Variants in MFAP3L observed in about 807,000 individuals in gnomAD.
The protein encoded by MFAP3L is microfibrillar-associated protein 3-like.
A neutral mutation model predicts 20.0 loss-of-function variants in MFAP3L; 5 were observed. The observed-to-expected ratio is 0.25, with a 90% CI of 0.13 to 0.53. The LOEUF (loss-of-function observed/expected upper bound fraction) is 0.53, where lower values mean the gene tolerates loss of function less well. MFAP3L is among the 20% of genes least tolerant of loss of function. MFAP3L has a pLI of 0.96. For missense variants in MFAP3L, 409 were observed against 527.5 expected (o/e 0.78, Z 2.20); for synonymous variants, 219 against 213.0 (o/e 1.03, Z -0.25).
intron 1 of MFAP3L, among the ~76,000 whole-genome samples, chr4:170,011,120 T>C (rs1739357599): frequency 6.6e-6 from 1 of 152,200 alleles, no homozygotes; most frequent in South Asian, 2.1e-4. Flanking sequence ...TGCCTTTGCT[T>C]CTCCTTTGCC....
rs779408117 is a variant in MFAP3L at position 169,992,255 on chromosome 4, G to A, written c.353C>T (p.Ser118Leu). The change falls in exon 3 of 3, where the codon TCA (serine) becomes TTA (leucine). Residue 118 changes from serine (S) to leucine (L), a missense_variant. Around this residue, in one of 3 missense-constraint regions of MFAP3L, gnomAD observed 127 missense variants for 218.1 expected, o/e 0.58. Coordinates refer to ENST00000361618, the MANE Select transcript of MFAP3L (RefSeq NM_021647.8). This position sits in a 1 kb window ranked among gnomAD's most constrained non-coding sequence, Gnocchi z 4.3. Reference protein sequence around the residue: ...GLLNITKVSFSDRGKYTCVAS... With the variant: ...GLLNITKVSFLDRGKYTCVAS... ...CACACACGTGTATTTACCTCGGTCT[G>A]AGAAGGATACCTTGGTGATGTTCAG... The A allele has an allele frequency of 1.2e-6, 2 of 1,613,974 alleles. No individual in the cohort carries two copies. The highest frequency in any genetic ancestry group is 1.7e-6 in the Non-Finnish European group (2 of 1,179,942).
intron 1 of MFAP3L, among the ~76,000 whole-genome samples, chr4:170,025,807 C>A (rs1581538516): frequency 6.6e-6 from 1 of 152,288 alleles, no homozygotes; most frequent in African/African-American, 2.4e-5. Context: ...TTCTCCGGAG[C>A]CCTGGCCAGC....
intron 1 of MFAP3L, among the ~76,000 whole-genome samples, chr4:170,013,405 T>C (rs1016433076): frequency 6.6e-6 from 1 of 152,036 alleles, no homozygotes; most frequent in Non-Finnish European, 1.5e-5. Flanking sequence ...ACATTAAAGG[T>C]TGTTCTCTAT....
Position 169,991,319 on chromosome 4 carries a change from C to A in MFAP3L, c.*59G>T. ...GCTTAGCGGCAAGTGCGTACTACATCTGTATTACAAGGAGCAGCCCCTGAT... is the reference window on the plus strand; with the variant it reads ...GCTTAGCGGCAAGTGCGTACTACATATGTATTACAAGGAGCAGCCCCTGAT... On this transcript the variant is annotated 3_prime_UTR_variant, in exon 3 of 3. Transcript: ENST00000361618. This position sits in a 1 kb window ranked among gnomAD's most constrained non-coding sequence, Gnocchi z 4.9. 2 of 1,515,160 alleles carry A rather than the reference C, an allele frequency of 1.3e-6. No homozygotes were observed. Among genetic ancestry groups the A allele is most frequent in the Non-Finnish European group, 1.8e-6 (2 of 1,114,644 alleles). The allele number at this position is 1,515,160 out of a possible 1,614,324, so 93.9% of individuals were successfully genotyped here.
At chr4:170,021,308 G>A (rs946664191) in intron 1 of MFAP3L, among the ~76,000 whole-genome samples, 1 of 152,086 alleles carries the variant, frequency 6.6e-6, no homozygotes. Flanking sequence ...GAGTCCTGGT[G>A]GTTCTCACTC....
At chr4:170,003,878 G>C in intron 2 of MFAP3L, 1 of 983,172 alleles carries the variant, frequency 1.0e-6, no homozygotes, top group Non-Finnish European at 1.2e-6. Flanking sequence ...GGAGGAAGTG[G>C]CTGTAGGAAC....
intron 1 of MFAP3L, among the ~76,000 whole-genome samples, chr4:170,016,297 T>C (rs777661358): frequency 1.3e-5 from 2 of 152,162 alleles, no homozygotes; most frequent in Non-Finnish European, 2.9e-5. Flanking sequence ...AGCCTCCATA[T>C]CCAACCTCAC....
At position 169,991,874 on chromosome 4, in the gene MFAP3L, G is replaced by C. The variant is rs755303677; in HGVS notation, c.734C>G (p.Pro245Arg). Reference sequence around the variant, plus strand: ...GATAGTCCTGCAGTTCATAATGAGAGGCGGCAGAGGCACGCTCCTGGCAAG... The same window carrying C: ...GATAGTCCTGCAGTTCATAATGAGACGCGGCAGAGGCACGCTCCTGGCAAG... ...EELARSVPLP[P>R]LIMNCRTIME... Residue 245 changes from proline (P) to arginine (R), a missense_variant, in exon 3 of 3, where the codon CCT (proline) becomes CGT (arginine). By Grantham distance (103) the Pro-to-Arg change is moderately radical. Around this residue, in one of 3 missense-constraint regions of MFAP3L, gnomAD observed 127 missense variants for 218.1 expected, o/e 0.58. Transcript: ENST00000361618. This position sits in a 1 kb window ranked among gnomAD's most constrained non-coding sequence, Gnocchi z 4.9. 1 of 1,614,132 alleles carries C rather than the reference G, an allele frequency of 6.2e-7. No homozygotes were observed. The highest frequency in any genetic ancestry group is 8.5e-7 in the Non-Finnish European group (1 of 1,180,024).
intron 2 of MFAP3L, among the ~76,000 whole-genome samples, chr4:169,998,988 A>T (rs1738416526): frequency 6.6e-6 from 1 of 152,270 alleles, no homozygotes; most frequent in Admixed American, 6.5e-5. Flanking sequence ...TAAATGTGGC[A>T]CATATTTTGT....
intron 1 of MFAP3L, among the ~76,000 whole-genome samples, chr4:170,012,286 C>G (rs977360871): frequency 5.9e-5 from 9 of 152,202 alleles, no homozygotes; most frequent in African/African-American, 2.2e-4. Context: ...GAATGACTAT[C>G]TGATAGCAGG....
intron 2 of MFAP3L, among the ~76,000 whole-genome samples, chr4:169,996,571 G>A (rs926947393): frequency 6.6e-6 from 1 of 152,096 alleles, no homozygotes; most frequent in African/African-American, 2.4e-5. Context: ...AGATCCGCTG[G>A]CACAGGTAGG....
At chr4:170,003,281 G>A (rs369230897) in intron 2 of MFAP3L, among the ~76,000 whole-genome samples, 13 of 152,310 alleles carry the variant, frequency 8.5e-5, no homozygotes, top group South Asian at 6.2e-4. Context: ...AATTCTGATG[G>A]AGCAGTTCTC....
intron 2 of MFAP3L, among the ~76,000 whole-genome samples, chr4:169,995,806 T>G (rs1272324562): frequency 6.6e-6 from 1 of 152,214 alleles, no homozygotes; most frequent in Non-Finnish European, 1.5e-5. Context: ...TGAATGTTCA[T>G]GAAGCTGCAT....
Position 170,005,944 on chromosome 4 carries a change from C to T in MFAP3L, c.-67G>A, listed in dbSNP as rs1739004858. On this transcript the variant is annotated 5_prime_UTR_variant, in exon 2 of 3. It adds an upstream start codon to the 5' untranslated region. Coordinates refer to ENST00000361618, the MANE Select transcript of MFAP3L (RefSeq NM_021647.8). ...CAACCGAATCTTCTATCAGACAACACACTGTTCACAGCAGGTCATGGGACA... is the reference window on the plus strand; with the variant it reads ...CAACCGAATCTTCTATCAGACAACATACTGTTCACAGCAGGTCATGGGACA... 1.9e-6 allele frequency: 3 copies of T among 1,547,236 alleles called. No individual in the cohort carries two copies. Among genetic ancestry groups the T allele is most frequent in the Non-Finnish European group, 2.6e-6 (3 of 1,145,474 alleles).
rs769173687 is a variant in MFAP3L, at chr4:169,991,618, T to C, written c.990A>G (p.Ala330=). 7 of 1,614,218 alleles carry C rather than the reference T, an allele frequency of 4.3e-6. No homozygotes were observed. The highest frequency in any genetic ancestry group is 5.9e-6 in the Non-Finnish European group (7 of 1,180,034). ...SVHPQSKKEH[A]DDQEGGQFEV... ...CAAACTGTCCACCCTCTTGGTCATC[T>C]GCATGCTCTTTTTTGGACTGCGGGT... Residue 330 remains alanine, a synonymous_variant, in exon 3 of 3, where the codon GCA becomes GCG. Coordinates refer to ENST00000361618, the MANE Select transcript of MFAP3L (RefSeq NM_021647.8). This position sits in a 1 kb window ranked among gnomAD's most constrained non-coding sequence, Gnocchi z 4.9.
chr4:170,005,858 T>C lies in MFAP3L; in HGVS notation c.20A>G (p.His7Arg), dbSNP rs761639424. The C allele has an allele frequency of 2.5e-6, 4 of 1,613,774 alleles. No homozygotes were observed. The highest frequency in any genetic ancestry group is 1.1e-5 in the South Asian group (1 of 91,082). MDRLKS[H>R]LTVCFLPSVP... ...AGAAGGTAGAAAGCACACAGTCAGA[T>C]GGCTCTTCAATCGATCCATCTTCTT... The change falls in exon 2 of 3, where the codon CAT becomes CGT. Residue 7 changes from histidine to arginine, a missense_variant. Transcript: ENST00000361618.
rs1030201868 is a variant in MFAP3L, at chr4:169,992,152, G to A, written c.456C>T (p.Tyr152=). 4.3e-6 allele frequency: 7 copies of A among 1,614,062 alleles called. No homozygotes were observed. In the African/African-American group the frequency reaches 9.3e-5, roughly 22 times the overall value. The change falls in exon 3 of 3, where the codon TAC becomes TAT. Residue 152 remains tyrosine (Y), a synonymous_variant. Transcript: ENST00000361618. The surrounding 1 kb of genome is among the most constrained non-coding windows in gnomAD (Gnocchi z 4.3). ...AGGCCACCAGGCACACGACCATGTA[G>A]TAGACACCCATGTCTCCAGAAGTGA... ...VIFTSGDMGV[Y]YMVVCLVAFT...
intron 2 of MFAP3L, chr4:170,001,884 G>T (rs1297008460): frequency 3.1e-6 from 3 of 977,538 alleles, no homozygotes; most frequent in Non-Finnish European, 3.6e-6. Context: ...AAGCAAACCA[G>T]CTGCTGCTCC....
At chr4:170,014,144 A>T (rs1276018468) in intron 1 of MFAP3L, among the ~76,000 whole-genome samples, 3 of 152,162 alleles carry the variant, frequency 2.0e-5, no homozygotes, top group Non-Finnish European at 4.4e-5. Flanking sequence ...CTTTCTTTTC[A>T]TTAGAATATT....
Sources: allele counts gnomAD v4.1 joint callset (sites outside exome capture counted in the v4.1 genomes callset), GRCh38; gene constraint gnomAD v4.1.1; regional missense constraint gnomAD v4.1.1; non-coding constraint Gnocchi (gnomAD v3.1); transcripts MANE v1.5; gene names NCBI Gene and HGNC (gene_info 2026-07-23, HGNC 2026-07-21).